The following ADAM22 variants were observed in gnomAD, a reference collection of about 807,000 sequenced individuals.
The protein encoded by ADAM22 is ADAM metallopeptidase domain 22.
ADAM22 carries 65 observed loss-of-function variants against 144.6 expected under a neutral mutation model. The ratio of observed to expected loss-of-function variants is 0.45; its 90% CI spans 0.37 to 0.55. The LOEUF (loss-of-function observed/expected upper bound fraction) is 0.55. Ranked by LOEUF, ADAM22 falls within the 20% of genes least tolerant of loss-of-function variation. ADAM22 has a pLI of 0.00. For synonymous variants in ADAM22, 391 were observed against 412.6 expected (o/e 0.95, Z 0.63); for missense variants, 974 against 1,184.9 (o/e 0.82, Z 2.61).
In ADAM22 at chr7:88,086,945, A is replaced by G. The variant is rs553947950; in HGVS notation, c.390+11253A>G. On this transcript the variant is annotated intron_variant, in intron 4 of 31. Transcript: ENST00000413139. ...TTATTACAGTAATAACTTTTATTGTATGATGTGATAGTCACATAAATTTGT... is the reference window on the plus strand; with the variant it reads ...TTATTACAGTAATAACTTTTATTGTGTGATGTGATAGTCACATAAATTTGT... Among the ~76,000 whole-genome samples, 6 of 152,320 alleles carry G rather than the reference A, an allele frequency of 3.9e-5. No homozygotes were observed. The East Asian group carries it at 1.2e-3, about 29-fold the overall frequency.
rs868738457 is a variant in ADAM22, at chr7:88,090,075, A to C, written c.390+14383A>C. ...ATAGATTCTTTAACAGTGTGTGTGT[A>C]AATACAGTTGATTAAAATGATCACA... On this transcript the variant is annotated intron_variant, in intron 4 of 31. Coordinates refer to ENST00000413139, the MANE Select transcript of ADAM22 (RefSeq NM_001324418.2). 4 of 152,226 alleles carry C rather than the reference A, an allele frequency of 2.6e-5. No individual in the cohort carries two copies. In the South Asian group the frequency reaches 6.2e-4, roughly 24 times the overall value. 9.4% of individuals were successfully genotyped at this position (152,226 alleles called of 1,614,324 possible).
intron 2 of ADAM22, among the ~76,000 whole-genome samples, chr7:87,944,115 T>C (rs1359044528): frequency 1.3e-5 from 2 of 152,152 alleles, no homozygotes; most frequent in African/African-American, 2.4e-5. Context: ...TTACCTCTAG[T>C]TGGTCAATTT....
intron 3 of ADAM22, among the ~76,000 whole-genome samples, chr7:88,007,527 C>T (rs1012148056): frequency 4.6e-5 from 7 of 152,172 alleles, no homozygotes; most frequent in Non-Finnish European, 7.3e-5. Flanking sequence ...ACCAAAACAG[C>T]ATGGTACTGG....
At chr7:88,071,242 G>A (rs1812698808) in intron 3 of ADAM22, among the ~76,000 whole-genome samples, 1 of 152,014 alleles carries the variant, frequency 6.6e-6, no homozygotes, top group African/African-American at 2.4e-5. Context: ...TAGGCTCAAT[G>A]GTTTTAAGTT....
intron 4 of ADAM22, among the ~76,000 whole-genome samples, chr7:88,096,905 T>C (rs748665762): frequency 1.3e-5 from 2 of 152,164 alleles, no homozygotes; most frequent in Non-Finnish European, 2.9e-5. Flanking sequence ...AGCATCACTT[T>C]TCATTAGATA....
At chr7:88,137,933 C>CACTTG (rs1443043349) in intron 14 of ADAM22, among the ~76,000 whole-genome samples, 1 of 152,122 alleles carries the variant, frequency 6.6e-6, no homozygotes, top group Non-Finnish European at 1.5e-5. Flanking sequence ...GCAGGCAGAT[C>CACTTG]ACTTGAGCCC....
intron 23 of ADAM22, 60 bp from the exon 24 acceptor site, chr7:88,165,772 A>T: frequency 3.3e-6 from 4 of 1,198,156 alleles, no homozygotes; most frequent in Non-Finnish European, 4.7e-6. Context: ...ATTAGTGTTT[A>T]TTTTTCATGC....
chr7:88,068,039 TG>T (rs1477692346), intron 3 of ADAM22, among the ~76,000 whole-genome samples: 2 of 152,188 alleles, frequency 1.3e-5, no homozygotes, highest in Non-Finnish European at 2.9e-5. Context: ...CATTACATGC[TG>T]AGGGTATAGA....
intron 30 of ADAM22, 51 bp from the exon 31 acceptor site, chr7:88,193,065 A>G: frequency 6.2e-7 from 1 of 1,608,662 alleles, no homozygotes. Context: ...CAGATATTTG[A>G]AAAATGTTAG....
intron 4 of ADAM22, among the ~76,000 whole-genome samples, chr7:88,076,531 C>T (rs1814557287): frequency 6.6e-6 from 1 of 151,788 alleles, no homozygotes; most frequent in African/African-American, 2.4e-5. Context: ...CCCCACCCCA[C>T]ACCTCCACCA....
intron 3 of ADAM22, among the ~76,000 whole-genome samples, chr7:88,040,186 C>T (rs1388404115): frequency 6.6e-6 from 1 of 151,882 alleles, no homozygotes; most frequent in Non-Finnish European, 1.5e-5. Flanking sequence ...GGCTGAAGTA[C>T]AGTGGTACAA....
At chr7:88,039,534 C>G (rs963971347) in intron 3 of ADAM22, among the ~76,000 whole-genome samples, 1 of 142,748 alleles carries the variant, frequency 7.0e-6, no homozygotes, top group Non-Finnish European at 1.5e-5. Flanking sequence ...GTTTCTATAT[C>G]TTTCCAAATA....
At position 88,054,588 on chromosome 7, in the gene ADAM22, CTGTGTGTGTGTGTG is replaced by C. The variant is rs58027941; in HGVS notation, c.324-21007_324-20994del. On this transcript the variant is annotated intron_variant, in intron 3 of 31. Coordinates refer to ENST00000413139, the MANE Select transcript of ADAM22 (RefSeq NM_001324418.2). ...TTTCCAGGCCTGATTAGGTGCCCTC[CTGTGTGTGTGTGTG>C]TGTGTGTGTGTGTGTGTGTGTGTGT... 2.4e-3 allele frequency among the ~76,000 whole-genome samples: 323 copies of C among 132,282 alleles called. 1 individual carries two copies. The highest frequency in any genetic ancestry group is 8.3e-3 in the African/African-American group (288 of 34,834). The allele number at this position is 132,282 out of a possible 152,430, so 86.8% of individuals were successfully genotyped here.
chr7:88,135,936 T>C, intron 13 of ADAM22, 44 bp from the exon 14 acceptor site: 1 of 1,546,248 alleles, frequency 6.5e-7, no homozygotes, highest in African/African-American at 1.4e-5. Context: ...TTAATGCAAC[T>C]GTGTTCACTT....
chr7:88,152,845 A>AT (rs1161073325), intron 20 of ADAM22, among the ~76,000 whole-genome samples: 11 of 151,536 alleles, frequency 7.3e-5, no homozygotes, highest in Non-Finnish European at 1.6e-4. Context: ...CACCCAGCTA[A>AT]TTTTTTTTGT....
At chr7:87,965,812 AG>A (rs1848923493) in intron 2 of ADAM22, among the ~76,000 whole-genome samples, 1 of 152,224 alleles carries the variant, frequency 6.6e-6, no homozygotes, top group South Asian at 2.1e-4. Context: ...AGTTGCCTCC[AG>A]GAGAGATTGT....
At chr7:88,141,083 C>G (rs73395795) in intron 14 of ADAM22, among the ~76,000 whole-genome samples, 1 of 152,096 alleles carries the variant, frequency 6.6e-6, no homozygotes, top group Non-Finnish European at 1.5e-5. Context: ...TGGTTCCTCC[C>G]GTGGTGGAGA....
chr7:88,165,755 A>G (rs762023288), intron 23 of ADAM22, 77 bp from the exon 24 acceptor site: 1 of 967,222 alleles, frequency 1.0e-6, no homozygotes, highest in South Asian at 1.7e-5. Flanking sequence ...GCATATAATA[A>G]TAAGAAATTA....
At chr7:88,086,101 A>G (rs538230187) in intron 4 of ADAM22, among the ~76,000 whole-genome samples, 2 of 152,280 alleles carry the variant, frequency 1.3e-5, no homozygotes, top group East Asian at 3.9e-4. Flanking sequence ...GCTTGAACTC[A>G]GGAGTTGGAG....
Sources: allele counts gnomAD v4.1 joint callset (sites outside exome capture counted in the v4.1 genomes callset), GRCh38; gene constraint gnomAD v4.1.1; transcripts MANE v1.5; gene names NCBI Gene and HGNC (gene_info 2026-07-23, HGNC 2026-07-21).